NPC1: variants seen among roughly 807,000 people sequenced by gnomAD.
The protein encoded by NPC1 is Niemann-Pick C1 protein.
In NPC1, 85 loss-of-function variants were observed where a neutral mutation model predicts 140.4. That is an observed-to-expected ratio of 0.61 (90% CI 0.51 to 0.72). The LOEUF is 0.72. NPC1 is among the 30% of genes least tolerant of loss of function. The pLI, the probability that NPC1 is intolerant of heterozygous loss-of-function variation, is 0.00. For missense variants in NPC1, 1,504 were observed against 1,623.8 expected (o/e 0.93, Z 1.27); for synonymous variants, 656 against 624.8 (o/e 1.05, Z -0.74).
Position 23,544,675 on chromosome 18 carries a change from T to C in NPC1, c.1948-149A>G. On this transcript the variant is annotated intron_variant, in intron 12 of 24. Transcript: ENST00000269228. ...GTGTTTCAGAGAGGACTTGTAAACA[T>C]TTCTAGGTCTGCTCGGGCAACACAT... 8.6e-6 allele frequency: 7 copies of C among 814,078 alleles called. No homozygotes were observed. In the South Asian group the frequency reaches 1.0e-4, roughly 12 times the overall value. The allele number at this position is 814,078 out of a possible 1,614,324, so 50.4% of individuals were successfully genotyped here.
chr18:23,536,613 A>G (rs1424606835), intron 21 of NPC1, 60 bp downstream of exon 21: 1 of 1,466,876 alleles, frequency 6.8e-7, no homozygotes, highest in East Asian at 2.4e-5. Flanking sequence ...AACCCTCCCC[A>G]CTCCCACCCA....
At chr18:23,519,259 T>C (rs1416375928), downstream of NPC1, 1 of 1,221,018 alleles carries the variant, frequency 8.2e-7, no homozygotes, top group Admixed American at 1.8e-5. Flanking sequence ...GGATCACGCC[T>C]GTAATCCCAG....
At position 23,567,272 on chromosome 18, in the gene NPC1, C is replaced by A. The variant is rs2059138865; in HGVS notation, c.463+1551G>T. On this transcript the variant is annotated intron_variant, in intron 4 of 24. Coordinates refer to ENST00000269228, the MANE Select transcript of NPC1 (RefSeq NM_000271.5). ...CTGTACCGTTTTGTACTCCCACCAT[C>A]AATGAATGAGAGCTCATTGCCAGCA... 2.0e-5 allele frequency among the ~76,000 whole-genome samples: 3 copies of A among 152,206 alleles called. 1 individual carries two copies. The South Asian group carries it at 6.2e-4, about 31-fold the overall frequency.
intron 4 of NPC1, among the ~76,000 whole-genome samples, chr18:23,568,388 T>C (rs922401694): frequency 2.0e-5 from 3 of 152,240 alleles, no homozygotes; most frequent in Admixed American, 1.3e-4. Flanking sequence ...TGCTGGGGGA[T>C]CATTTCTGCT....
At chr18:23,558,411 T>G (rs989753266) in intron 6 of NPC1, among the ~76,000 whole-genome samples, 1 of 151,958 alleles carries the variant, frequency 6.6e-6, no homozygotes, top group Non-Finnish European at 1.5e-5. Flanking sequence ...ACTTCTGTGA[T>G]GTACTTGTCA....
At position 23,568,693 on chromosome 18, in the gene NPC1, A is replaced by T. The variant is rs140309618; in HGVS notation, c.463+130T>A. The T allele has an allele frequency of 6.6e-4, 494 of 747,170 alleles. 2 individuals are homozygous for T. In the African/African-American group the frequency reaches 8.1e-3, roughly 12 times the overall value. 46.3% of individuals were successfully genotyped at this position (747,170 alleles called of 1,614,324 possible). A position where few individuals can be genotyped will look rare whatever the true frequency, so the allele number is the denominator to read the frequency against. On this transcript the variant is annotated intron_variant, in intron 4 of 24. Transcript: ENST00000269228. ...AGTCCTAGGATACAAGCAAAGCAAC[A>T]ACTCTTATTTCCTGGCCAATGGAAC...
intron 3 of NPC1, among the ~76,000 whole-genome samples, chr18:23,511,282 T>C (rs2057851245): frequency 6.6e-6 from 1 of 151,634 alleles, no homozygotes; most frequent in Admixed American, 6.6e-5. Context: ...ATGTAAGTTA[T>C]GAATGCAAAG....
chr18:23,517,967 C>T (rs115134694), downstream of NPC1, among the ~76,000 whole-genome samples: 1 of 152,330 alleles, frequency 6.6e-6, no homozygotes, highest in East Asian at 1.9e-4. Flanking sequence ...ATCCTCCCGC[C>T]TCATCCTCCC....
At chr18:23,536,265 A>T (rs1314377029) in intron 21 of NPC1, among the ~76,000 whole-genome samples, 3 of 152,222 alleles carry the variant, frequency 2.0e-5, no homozygotes, top group African/African-American at 7.2e-5. Context: ...TGGGAAAAAA[A>T]ACCCCTAACA....
intron 22 of NPC1, among the ~76,000 whole-genome samples, chr18:23,534,932 A>G (rs1174156147): frequency 6.6e-6 from 1 of 152,078 alleles, no homozygotes; most frequent in East Asian, 1.9e-4. Flanking sequence ...ACACTGTTCT[A>G]TTTTCCATGA....
chr18:23,571,832 T>C (rs971739747), intron 3 of NPC1, among the ~76,000 whole-genome samples: 31 of 151,930 alleles, frequency 2.0e-4, no homozygotes, highest in Middle Eastern at 3.4e-3. Flanking sequence ...GGCAGCAGAG[T>C]GAGACTCTGT....
rs1230538609 is a variant in NPC1, at chr18:23,560,369, C to T, written c.743G>A (p.Gly248Asp). 1.2e-6 allele frequency: 2 copies of T among 1,614,170 alleles called. No individual in the cohort carries two copies. Among genetic ancestry groups the T allele is most frequent in the African/African-American group, 2.7e-5 (2 of 75,048 alleles). Residue 248 changes from glycine (G) to aspartate (D), a missense_variant, in exon 6 of 25, where the codon GGC becomes GAC. Gly to Asp is a moderately conservative substitution (Grantham distance 94). Coordinates refer to ENST00000269228, the MANE Select transcript of NPC1 (RefSeq NM_000271.5). ...AGGAGGTGGGGGCTGGGGCTTGGGGCCACAGACAATAGAGCAGTCTTGGCA... is the reference window on the plus strand; with the variant it reads ...AGGAGGTGGGGGCTGGGGCTTGGGGTCACAGACAATAGAGCAGTCTTGGCA... ...CSCQDCSIVC[G>D]PKPQPPPPPA...
chr18:23,562,319 C>G (rs751216552), intron 4 of NPC1, among the ~76,000 whole-genome samples: 25 of 151,752 alleles, frequency 1.6e-4, no homozygotes, highest in Non-Finnish European at 3.2e-4. Context: ...CAAAAAAAAC[C>G]CCTAATACTG....
At chr18:23,557,012 C>T in intron 7 of NPC1, 105 bp downstream of exon 7, 2 of 958,670 alleles carry the variant, frequency 2.1e-6, no homozygotes, top group Non-Finnish European at 3.3e-6. Context: ...GTCCTCGGCA[C>T]TGGCACACCA....
At chr18:23,553,209 C>T (rs190941503) in intron 9 of NPC1, among the ~76,000 whole-genome samples, 69 of 152,290 alleles carry the variant, frequency 4.5e-4, no homozygotes, top group African/African-American at 1.5e-3. Context: ...ACCTCTGTCC[C>T]CCATCATTTT....
At chr18:23,518,552 C>A (rs1017143895), downstream of NPC1, among the ~76,000 whole-genome samples, 2 of 152,036 alleles carry the variant, frequency 1.3e-5, no homozygotes, top group Non-Finnish European at 2.9e-5. Context: ...AATATACATT[C>A]ATTATACAAA....
intron 12 of NPC1, 71 bp downstream of exon 12, chr18:23,544,889 G>C (rs992177494): frequency 7.8e-5 from 88 of 1,131,518 alleles, no homozygotes; most frequent in Non-Finnish European, 1.0e-4. Flanking sequence ...AGAATAAAGA[G>C]GCAAAAATAT....
chr18:23,529,926 C>CT (rs1157675333), downstream of NPC1: 10 of 1,196,228 alleles, frequency 8.4e-6, no homozygotes, highest in East Asian at 1.9e-4. Flanking sequence ...TAATGACAGA[C>CT]TTTTACTGTG....
downstream of NPC1, chr18:23,526,876 C>T: frequency 7.0e-7 from 1 of 1,419,226 alleles, no homozygotes; most frequent in Non-Finnish European, 9.4e-7. Context: ...GACCCACAGC[C>T]TCATTCTTTA....
Sources: gnomAD v4.1 joint callset for allele counts (sites outside exome capture counted in the v4.1 genomes callset) on GRCh38, gnomAD v4.1.1 for gene constraint, MANE v1.5 for transcripts, NCBI Gene and HGNC (gene_info 2026-07-23, HGNC 2026-07-21) for gene names.